Variants in DEF8 observed in about 807,000 individuals in gnomAD.
DEF8 encodes DEF-8.
In DEF8, 38 loss-of-function variants were observed where a neutral mutation model predicts 59.1. That is an observed-to-expected ratio of 0.64 (90% confidence interval 0.50 to 0.84). DEF8 has a LOEUF of 0.84. DEF8 is among the 40% of genes least tolerant of loss of function. The pLI, the probability that DEF8 is intolerant of heterozygous loss-of-function variation, is 0.00. For missense variants in DEF8, 557 were observed against 615.2 expected, an observed-to-expected ratio of 0.91 and a Z score of 1.00; for synonymous variants, 265 against 250.1, an observed-to-expected ratio of 1.06 and a Z score of -0.56.
Position 89,954,788 on chromosome 16 carries a change from GCCTGGAGTCGACA to G in DEF8, c.125-379_125-367del, listed in dbSNP as rs1345568915. On this transcript the variant is annotated intron_variant, in intron 3 of 12. Transcript: ENST00000563594. This position sits in a 1 kb window ranked among gnomAD's most constrained non-coding sequence, Gnocchi z 4.3. ...TTGGAGCGGGGCAGCTGCAGAGACG[GCCTGGAGTCGACA>G]CTGGGGTTCGTGGATTTTGCTGTGT... Among the ~76,000 whole-genome samples, 1 of 152,174 alleles carries G rather than the reference GCCTGGAGTCGACA, an allele frequency of 6.6e-6. No individual in the cohort carries two copies. Among genetic ancestry groups the G allele is most frequent in the Non-Finnish European group, 1.5e-5 (1 of 68,020 alleles).
At chr16:89,965,341 C>T (rs556749260) in intron 12 of DEF8, among the ~76,000 whole-genome samples, 18 of 152,310 alleles carry the variant, frequency 1.2e-4, no homozygotes, top group African/African-American at 4.3e-4. Context: ...ATAGCAACTG[C>T]TGAAATCCCA....
In DEF8 at chr16:89,957,620, T is replaced by C; in HGVS notation, c.332T>C (p.Val111Ala). The C allele has an allele frequency of 6.3e-7, 1 of 1,577,316 alleles. No individual in the cohort carries two copies. The highest frequency in any genetic ancestry group is 8.6e-7 in the Non-Finnish European group (1 of 1,161,916). Residue 111 changes from valine (V) to alanine (A), a missense_variant, in exon 5 of 13, where the codon GTG becomes GCG. By Grantham distance (64) the Val-to-Ala change is moderately conservative. Transcript: ENST00000563594. ...TCGGAGAAGCAGAAGGATGCCGTGGTGCGACTCATCCACCTCCGGCTGAAG... is the reference window on the plus strand; with the variant it reads ...TCGGAGAAGCAGAAGGATGCCGTGGCGCGACTCATCCACCTCCGGCTGAAG... The part of the protein sequence containing the change: ...EQSEKQKDAV[V>A]RLIHLRLKLQ...
At chr16:89,963,922 G>C (rs1258505120) in intron 10 of DEF8, 2 of 603,090 alleles carry the variant, frequency 3.3e-6, no homozygotes, top group South Asian at 3.5e-5. Flanking sequence ...GTGCGGGGAT[G>C]CGGTGTGGCT....
chr16:89,959,232 G>C (rs8166), intron 6 of DEF8, 77 bp downstream of exon 6: 121,960 of 1,600,816 alleles, frequency 0.076, 5,468 homozygotes, highest in East Asian at 0.18. Context: ...ACATTCAGAT[G>C]TGAGCTATCC....
chr16:89,949,490 C>T lies in DEF8; in HGVS notation c.-34C>T, dbSNP rs775543219. On this transcript the variant is annotated 5_prime_UTR_variant, in exon 2 of 13. Coordinates refer to ENST00000563594, the MANE Select transcript of DEF8 (RefSeq NM_001242818.2). The stretch of plus-strand genomic sequence containing the variant: ...AATGGCCATCCTGTCCCTGCGAGCC[C>T]CTGGGCCCTGGCAGGCGATGCAGGT... The T allele has an allele frequency of 3.7e-6, 6 of 1,612,940 alleles. No homozygotes were observed. The South Asian group carries it at 6.6e-5, about 18-fold the overall frequency.
chr16:89,949,352 C>T (rs1399127168), intron 1 of DEF8, 65 bp from the exon 2 acceptor site: 10 of 1,363,682 alleles, frequency 7.3e-6, no homozygotes, highest in Admixed American at 2.2e-5. Flanking sequence ...GCCCGGGAGA[C>T]CGGGCGAGCT....
chr16:89,949,025 C>T (rs183931018), intron 1 of DEF8, among the ~76,000 whole-genome samples: 635 of 52,076 alleles, frequency 0.012, 58 homozygotes, highest in South Asian at 0.038. Context: ...AGGGACGGGG[C>T]CGGCGGGGAC....
At position 89,965,872 on chromosome 16, in the gene DEF8, A is replaced by G. The variant is rs1310847467; in HGVS notation, c.1265A>G (p.Tyr422Cys). The G allele has an allele frequency of 4.3e-6, 7 of 1,613,120 alleles. No individual in the cohort carries two copies. Among genetic ancestry groups the G allele is most frequent in the Admixed American group, 1.7e-5 (1 of 59,970 alleles). ...CTTTCTGCCCCCAGGGACTGCTACT[A>G]CGACAACTCCACCACTTGTCCCAAG... ...CSAVFHRDCYYDNSTTCPKCA... is the reference protein window; with the variant it reads ...CSAVFHRDCYCDNSTTCPKCA... Residue 422 changes from tyrosine (Y) to cysteine (C), a missense_variant, in exon 13 of 13, where the codon TAC becomes TGC. Transcript: ENST00000563594.
chr16:89,955,201 G>C lies in DEF8; in HGVS notation c.157G>C (p.Glu53Gln). The C allele has an allele frequency of 1.2e-6, 2 of 1,613,704 alleles. No individual in the cohort carries two copies. The highest frequency in any genetic ancestry group is 1.7e-6 in the Non-Finnish European group (2 of 1,179,956). The change falls in exon 4 of 13, where the codon GAA (glutamate) becomes CAA (glutamine). Residue 53 changes from glutamate (E) to glutamine (Q), a missense_variant. Transcript: ENST00000563594. Reference sequence around the variant, plus strand: ...GCCTGAGCTGCCCCCTGGGGAGCCGGAATTCCGCTGCCCTGAACGCGTGAT... The same window carrying C: ...GCCTGAGCTGCCCCCTGGGGAGCCGCAATTCCGCTGCCCTGAACGCGTGAT... ...ALPELPPGEPEFRCPERVMDL... is the reference protein window; with the variant it reads ...ALPELPPGEPQFRCPERVMDL...
chr16:89,961,932 C>T (rs945269391), intron 8 of DEF8, 68 bp downstream of exon 8: 34 of 1,600,524 alleles, frequency 2.1e-5, no homozygotes, highest in East Asian at 1.8e-4. Flanking sequence ...GGTGTGGAGC[C>T]GGTGTACCCC....
At chr16:89,949,606 T>C in intron 2 of DEF8, 93 bp downstream of exon 2, 1 of 1,612,772 alleles carries the variant, frequency 6.2e-7, no homozygotes, top group East Asian at 2.2e-5. Flanking sequence ...CGCTTCCTGG[T>C]GGTCACGCCG....
At chr16:89,957,343 C>A in intron 4 of DEF8, 168 bp from the exon 5 acceptor site, 1 of 675,744 alleles carries the variant, frequency 1.5e-6, no homozygotes, top group Non-Finnish European at 2.4e-6. Flanking sequence ...CTTGACCGTG[C>A]TGCCACCTTT....
At chr16:89,950,234 T>A (rs995287382) in intron 2 of DEF8, 1 of 985,984 alleles carries the variant, frequency 1.0e-6, no homozygotes, top group Non-Finnish European at 1.2e-6. Flanking sequence ...GGTCACCATA[T>A]GTGATGACAG....
chr16:89,963,845 G>A (rs2034338711), intron 10 of DEF8: 2 of 508,652 alleles, frequency 3.9e-6, no homozygotes, highest in Non-Finnish European at 7.3e-6. Flanking sequence ...AATACGTTGT[G>A]TGCTGGGGTG....
At chr16:89,951,971 G>A (rs1376478209) in intron 2 of DEF8, among the ~76,000 whole-genome samples, 4 of 151,794 alleles carry the variant, frequency 2.6e-5, no homozygotes, top group African/African-American at 4.8e-5. Flanking sequence ...TCCGCTTCCT[G>A]GGTTCACGCT....
chr16:89,950,313 C>T, intron 2 of DEF8: 2 of 985,474 alleles, frequency 2.0e-6, no homozygotes, highest in Non-Finnish European at 1.2e-6. Context: ...CTTAGCCCTT[C>T]CATCCACCCC....
Position 89,966,062 on chromosome 16 carries a change from C to T in DEF8, c.*99C>T, listed in dbSNP as rs748636692. 3.4e-5 allele frequency: 31 copies of T among 901,798 alleles called. No individual in the cohort carries two copies. Among genetic ancestry groups the T allele is most frequent in the Non-Finnish European group, 3.4e-5 (20 of 588,818 alleles). The allele number at this position is 901,798 out of a possible 1,614,324, so 55.9% of individuals were successfully genotyped here. ...GCTCCGGAGACCCCTGGGGTGCGGC[C>T]CTGGCCCCCTCCACCCCTGCTGGGC... On this transcript the variant is annotated 3_prime_UTR_variant, in exon 13 of 13. Coordinates refer to ENST00000563594, the MANE Select transcript of DEF8 (RefSeq NM_001242818.2).
chr16:89,948,951 T>G (rs867263806), intron 1 of DEF8, 137 bp downstream of exon 1: 2 of 17,478 alleles, frequency 1.1e-4, no homozygotes, highest in South Asian at 5.6e-3. Flanking sequence ...GGGACGGGGC[T>G]GGGAGGGACG....
Position 89,959,168 on chromosome 16 carries a change from C to A in DEF8, c.514+13C>A. On this transcript the variant is annotated intron_variant, in intron 6 of 12. Coordinates refer to ENST00000563594, the MANE Select transcript of DEF8 (RefSeq NM_001242818.2). ...TACACCTGCACAGGTGGGCCGAGACCCAGACGAGGAGTGAGGAATGAGAGA... is the reference window on the plus strand; with the variant it reads ...TACACCTGCACAGGTGGGCCGAGACACAGACGAGGAGTGAGGAATGAGAGA... 1 of 1,613,894 alleles carries A rather than the reference C, an allele frequency of 6.2e-7. No individual in the cohort carries two copies. Among genetic ancestry groups the A allele is most frequent in the Non-Finnish European group, 8.5e-7 (1 of 1,180,030 alleles).
Sources: allele counts gnomAD v4.1 joint callset (sites outside exome capture counted in the v4.1 genomes callset), GRCh38; gene constraint gnomAD v4.1.1; non-coding constraint Gnocchi (gnomAD v3.1); transcripts MANE v1.5; gene names NCBI Gene and HGNC (gene_info 2026-07-23, HGNC 2026-07-21).